Variants in IPCEF1 observed in about 807,000 individuals in gnomAD.
IPCEF1 encodes the protein interaction protein for cytohesin exchange factors 1, also known as interactor protein for cytohesin exchange factors 1.
Under a neutral mutation model 50.9 loss-of-function variants are expected in IPCEF1, and 31 were observed. That is an observed-to-expected ratio of 0.61 (90% CI 0.46 to 0.82). The LOEUF (loss-of-function observed/expected upper bound fraction) is 0.82. Among genes scored for constraint, IPCEF1 ranks in the 40% least tolerant of loss-of-function variants. The pLI is 0.00. For synonymous variants in IPCEF1, 181 were observed against 192.0 expected (o/e 0.94, Z 0.47); for missense variants, 458 against 514.0 (o/e 0.89, Z 1.05).
intron 7 of IPCEF1, among the ~76,000 whole-genome samples, chr6:154,216,448 CTTAA>C (rs66579098): frequency 0.2 from 30,792 of 152,026 alleles, 3,809 homozygotes; most frequent in Admixed American, 0.39. Context: ...CTAATATACT[CTTAA>C]TTGAGAAGAT....
chr6:154,208,112 A>G (rs768317732), intron 9 of IPCEF1, among the ~76,000 whole-genome samples: 28 of 152,120 alleles, frequency 1.8e-4, no homozygotes, highest in Non-Finnish European at 3.4e-4. Flanking sequence ...GAAGTTGATT[A>G]TATCCCTCCT....
At chr6:154,169,269 G>A (rs1290285508) in intron 10 of IPCEF1, among the ~76,000 whole-genome samples, 8 of 152,108 alleles carry the variant, frequency 5.3e-5, no homozygotes, top group African/African-American at 1.9e-4. Context: ...ACTGAGACAC[G>A]AGAATCACTT....
chr6:154,286,681 G>T (rs994247215), intron 2 of IPCEF1, among the ~76,000 whole-genome samples: 2 of 152,206 alleles, frequency 1.3e-5, no homozygotes, highest in Non-Finnish European at 2.9e-5. Flanking sequence ...ATGGGGAATG[G>T]GGAGAGCAGT....
chr6:154,260,059 G>A (rs1025500361), intron 3 of IPCEF1, among the ~76,000 whole-genome samples: 1 of 152,156 alleles, frequency 6.6e-6, no homozygotes, highest in Non-Finnish European at 1.5e-5. Flanking sequence ...GGCAGAAATC[G>A]TGTCTGGGCT....
At chr6:154,281,720 A>G (rs551657203) in intron 2 of IPCEF1, among the ~76,000 whole-genome samples, 4 of 151,980 alleles carry the variant, frequency 2.6e-5, no homozygotes, top group Admixed American at 6.6e-5. Flanking sequence ...ATTAGCCTGG[A>G]GGCCGGGCAC....
At chr6:154,197,892 T>C (rs1308208066) in intron 10 of IPCEF1, among the ~76,000 whole-genome samples, 4 of 152,228 alleles carry the variant, frequency 2.6e-5, no homozygotes, top group African/African-American at 7.2e-5. Context: ...TAAGCGTTTG[T>C]AGGAGAAAAA....
At chr6:154,229,686 T>C (rs1175300565) in intron 5 of IPCEF1, among the ~76,000 whole-genome samples, 1 of 152,162 alleles carries the variant, frequency 6.6e-6, no homozygotes, top group African/African-American at 2.4e-5. Context: ...AGTAAGCATA[T>C]AATTGCCATA....
At chr6:154,232,511 T>C (rs1779803392) in intron 5 of IPCEF1, among the ~76,000 whole-genome samples, 1 of 152,096 alleles carries the variant, frequency 6.6e-6, no homozygotes, top group South Asian at 2.1e-4. Flanking sequence ...ATGGGAACCA[T>C]CATGTGGTAT....
chr6:154,337,954 G>T (rs1052563945), intron 1 of IPCEF1, among the ~76,000 whole-genome samples: 4 of 152,148 alleles, frequency 2.6e-5, no homozygotes, highest in Non-Finnish European at 5.9e-5. Context: ...GCCCATTGGG[G>T]AAACTGTGGC....
intron 11 of IPCEF1, among the ~76,000 whole-genome samples, chr6:154,166,784 T>G (rs1045534374): frequency 6.6e-6 from 1 of 152,164 alleles, no homozygotes; most frequent in African/African-American, 2.4e-5. Context: ...AAGAAGACAG[T>G]AAAATCCCAA....
intron 2 of IPCEF1, among the ~76,000 whole-genome samples, chr6:154,273,493 G>A (rs994411782): frequency 6.6e-6 from 1 of 152,038 alleles, no homozygotes; most frequent in African/African-American, 2.4e-5. Flanking sequence ...AAAAGCAAAG[G>A]ACATGAGATA....
rs1782743523 is a variant in IPCEF1, at chr6:154,299,585, GA to G, written c.-61-9830del. 1.4e-5 allele frequency among the ~76,000 whole-genome samples: 2 copies of G among 140,006 alleles called. 1 individual carries two copies. The highest frequency in any genetic ancestry group is 3.2e-5 in the Non-Finnish European group (2 of 62,614). 91.8% of individuals were successfully genotyped at this position (140,006 alleles called of 152,430 possible). A position where few individuals can be genotyped will look rare whatever the true frequency, so the allele number is the denominator to read the frequency against. ...CACATGAAGGGGCACAACACACACT[GA>G]CTAGGGCTTCTAGGGGAGGTGTGGG... On this transcript the variant is annotated intron_variant, in intron 1 of 11. Transcript: ENST00000367220.
rs116430722 is a variant in IPCEF1 at position 154,253,628 on chromosome 6, G to A, written c.37-6140C>T. On this transcript the variant is annotated intron_variant, in intron 3 of 11. Coordinates refer to ENST00000367220, the MANE Select transcript of IPCEF1 (RefSeq NM_001130700.2). Reference sequence around the variant, plus strand: ...ATTCATATATGCAGGTGTCTTTCTGGGCTACCTATGTGTCTGGAAGTGGAA... The same window carrying A: ...ATTCATATATGCAGGTGTCTTTCTGAGCTACCTATGTGTCTGGAAGTGGAA... Among the ~76,000 whole-genome samples, 500 of 152,118 alleles carry A rather than the reference G, an allele frequency of 3.3e-3. 4 individuals carry two copies. Among genetic ancestry groups the A allele is most frequent in the African/African-American group, 0.011 (472 of 41,484 alleles).
At chr6:154,293,585 A>G (rs1782565856) in intron 1 of IPCEF1, among the ~76,000 whole-genome samples, 5 of 152,238 alleles carry the variant, frequency 3.3e-5, no homozygotes, top group Admixed American at 3.3e-4. Context: ...TATTATTGTT[A>G]CTGTCCAGTG....
intron 2 of IPCEF1, among the ~76,000 whole-genome samples, chr6:154,282,215 T>A (rs372147213): frequency 6.6e-5 from 10 of 152,208 alleles, no homozygotes; most frequent in Admixed American, 2.0e-4. Context: ...TTTTGCAGGG[T>A]TCTGATCTGA....
intron 2 of IPCEF1, among the ~76,000 whole-genome samples, chr6:154,270,035 G>A (rs1781863802): frequency 6.6e-6 from 1 of 152,176 alleles, no homozygotes; most frequent in South Asian, 2.1e-4. Context: ...AGTATTCACA[G>A]TCCTTTCTGA....
At chr6:154,195,515 TTTAAA>T (rs973803527) in intron 10 of IPCEF1, among the ~76,000 whole-genome samples, 9 of 152,092 alleles carry the variant, frequency 5.9e-5, no homozygotes, top group Admixed American at 5.2e-4. Context: ...CCATTAGCTG[TTTAAA>T]TTAAGGAACA....
intron 11 of IPCEF1, among the ~76,000 whole-genome samples, chr6:154,163,141 G>A (rs549485827): frequency 1.3e-5 from 2 of 152,176 alleles, no homozygotes; most frequent in South Asian, 2.1e-4. Context: ...GTCTTACTCC[G>A]AGCAGAAGCT....
chr6:154,324,091 A>T (rs970116854), intron 1 of IPCEF1, among the ~76,000 whole-genome samples: 1 of 152,252 alleles, frequency 6.6e-6, no homozygotes. Context: ...AATTTTTCAT[A>T]ACAAAGTTAA....
Sources: gnomAD v4.1 joint callset for allele counts (sites outside exome capture counted in the v4.1 genomes callset) on GRCh38, gnomAD v4.1.1 for gene constraint, MANE v1.5 for transcripts, NCBI Gene and HGNC (gene_info 2026-07-23, HGNC 2026-07-21) for gene names.